Variants in HPSE2 observed in about 807,000 individuals in gnomAD.
The protein encoded by HPSE2 is inactive heparanase-2.
HPSE2 carries 38 observed loss-of-function variants against 60.5 expected under a neutral mutation model. That is an observed-to-expected ratio of 0.63 (90% CI 0.48 to 0.82). HPSE2 has a LOEUF of 0.82. Ranked by LOEUF, HPSE2 falls within the 40% of genes least tolerant of loss-of-function variation. HPSE2 has a pLI of 0.00. For synonymous variants in HPSE2, 295 were observed against 293.2 expected, an observed-to-expected ratio of 1.01 and a Z score of -0.06; for missense variants, 713 against 740.4, an observed-to-expected ratio of 0.96 and a Z score of 0.43.
At chr10:98,637,413 G>C (rs1946526067) in intron 7 of HPSE2, among the ~76,000 whole-genome samples, 1 of 152,188 alleles carries the variant, frequency 6.6e-6, no homozygotes, top group African/African-American at 2.4e-5. Flanking sequence ...ATTAAAAATA[G>C]CTATAATAAC....
chr10:99,152,548 T>C (rs1048014882), intron 2 of HPSE2, among the ~76,000 whole-genome samples: 1 of 152,278 alleles, frequency 6.6e-6, no homozygotes, highest in Non-Finnish European at 1.5e-5. Flanking sequence ...GTTTTAGTTA[T>C]ACCATATATA....
intron 9 of HPSE2, among the ~76,000 whole-genome samples, chr10:98,496,516 T>C (rs1941844587): frequency 6.6e-6 from 1 of 152,224 alleles, no homozygotes; most frequent in Admixed American, 6.5e-5. Flanking sequence ...GTATGCAAAC[T>C]GCTCCAGGAA....
At chr10:98,527,196 C>T (rs1942993366) in intron 9 of HPSE2, among the ~76,000 whole-genome samples, 1 of 152,158 alleles carries the variant, frequency 6.6e-6, no homozygotes, top group Non-Finnish European at 1.5e-5. Flanking sequence ...TCTCTAGGCT[C>T]TCTGCCTACA....
At chr10:98,844,379 G>T (rs1951987098) in intron 3 of HPSE2, among the ~76,000 whole-genome samples, 1 of 152,080 alleles carries the variant, frequency 6.6e-6, no homozygotes, top group South Asian at 2.1e-4. Context: ...GTTAGGTCAT[G>T]CTTAAGTTTA....
At chr10:98,481,565 A>G (rs1307032012) in intron 11 of HPSE2, among the ~76,000 whole-genome samples, 2 of 152,202 alleles carry the variant, frequency 1.3e-5, no homozygotes, top group African/African-American at 4.8e-5. Context: ...TAGCCAGAAA[A>G]AAGAGCCAGC....
chr10:98,788,414 C>A lies in HPSE2; in HGVS notation c.611-44358G>T, dbSNP rs537560625. ...TGTCTTTTTGTTTGTCTGTGCCCTG[C>A]CCCCAGAGATGGAGCCTACAGAGGC... On this transcript the variant is annotated intron_variant, in intron 3 of 11. Coordinates refer to ENST00000370552, the MANE Select transcript of HPSE2 (RefSeq NM_021828.5). Among the ~76,000 whole-genome samples the A allele has an allele frequency of 1.2e-3, 107 of 92,268 alleles. 4 individuals are homozygous for A. Among genetic ancestry groups the A allele is most frequent in the African/African-American group, 3.5e-3 (103 of 29,038 alleles). The allele number at this position is 92,268 out of a possible 152,430, so 60.5% of individuals were successfully genotyped here. A position where few individuals can be genotyped will look rare whatever the true frequency, so the allele number is the denominator to read the frequency against.
chr10:98,854,388 T>C (rs1217228824), intron 3 of HPSE2, among the ~76,000 whole-genome samples: 2 of 152,196 alleles, frequency 1.3e-5, no homozygotes, highest in Non-Finnish European at 2.9e-5. Flanking sequence ...TTTTAATGTA[T>C]CATTAGCTGT....
At chr10:98,824,323 TTGTGTTCACTG>T (rs1315907152) in intron 3 of HPSE2, among the ~76,000 whole-genome samples, 4 of 152,218 alleles carry the variant, frequency 2.6e-5, no homozygotes, top group African/African-American at 7.2e-5. Flanking sequence ...ATCTGAGCGG[TTGTGTTCACTG>T]TGTGTTCACT....
At chr10:98,813,961 C>A (rs1291672290) in intron 3 of HPSE2, among the ~76,000 whole-genome samples, 3 of 152,066 alleles carry the variant, frequency 2.0e-5, no homozygotes, top group African/African-American at 7.2e-5. Flanking sequence ...TATGTCAAAT[C>A]ATTTCAACCC....
At chr10:99,159,658 C>T (rs1846741569) in intron 2 of HPSE2, among the ~76,000 whole-genome samples, 1 of 151,886 alleles carries the variant, frequency 6.6e-6, no homozygotes, top group African/African-American at 2.4e-5. Flanking sequence ...AAAGAAAAGC[C>T]TCAAAATCAA....
chr10:98,814,321 C>G (rs1354927414), intron 3 of HPSE2, among the ~76,000 whole-genome samples: 2 of 152,016 alleles, frequency 1.3e-5, no homozygotes, highest in African/African-American at 4.8e-5. Flanking sequence ...TTTAGCTAAA[C>G]TCACTTATTA....
At chr10:98,709,341 C>A (rs1308749118) in intron 5 of HPSE2, among the ~76,000 whole-genome samples, 1 of 152,158 alleles carries the variant, frequency 6.6e-6, no homozygotes, top group Non-Finnish European at 1.5e-5. Flanking sequence ...CCATTCTAAT[C>A]CCTAGATTTA....
At chr10:98,942,163 G>A (rs1955027500) in intron 3 of HPSE2, among the ~76,000 whole-genome samples, 1 of 138,332 alleles carries the variant, frequency 7.2e-6, no homozygotes. Context: ...TCAGGACATA[G>A]GCATGGGCAA....
At chr10:98,655,579 T>C (rs1452785000) in intron 6 of HPSE2, among the ~76,000 whole-genome samples, 2 of 152,206 alleles carry the variant, frequency 1.3e-5, no homozygotes, top group African/African-American at 2.4e-5. Context: ...TCAGTTTGTT[T>C]AGCTTTTGCT....
At chr10:98,502,444 A>T (rs1942057275) in intron 9 of HPSE2, among the ~76,000 whole-genome samples, 1 of 152,158 alleles carries the variant, frequency 6.6e-6, no homozygotes, top group African/African-American at 2.4e-5. Context: ...AAAAATAAAG[A>T]GGGGAAACGT....
chr10:98,865,328 C>G (rs1035516770), intron 3 of HPSE2, among the ~76,000 whole-genome samples: 1 of 152,050 alleles, frequency 6.6e-6, no homozygotes, highest in Non-Finnish European at 1.5e-5. Flanking sequence ...GAGACTTATA[C>G]TTCTGGCCAA....
intron 5 of HPSE2, among the ~76,000 whole-genome samples, chr10:98,720,670 A>T (rs1325955117): frequency 3.9e-5 from 6 of 152,194 alleles, no homozygotes; most frequent in Admixed American, 2.6e-4. Flanking sequence ...ATTTGTATAA[A>T]AATGTTTATA....
intron 2 of HPSE2, among the ~76,000 whole-genome samples, chr10:99,207,594 C>T (rs551445813): frequency 6.6e-6 from 1 of 151,864 alleles, no homozygotes; most frequent in Non-Finnish European, 1.5e-5. Flanking sequence ...AATAAAGGAA[C>T]CTTAACAATA....
intron 9 of HPSE2, among the ~76,000 whole-genome samples, chr10:98,501,175 C>T (rs1942018215): frequency 1.3e-5 from 2 of 151,928 alleles, no homozygotes; most frequent in South Asian, 4.2e-4. Flanking sequence ...AAAGAAGGAA[C>T]CCTCCCTAAT....
Sources: allele counts gnomAD v4.1 joint callset (sites outside exome capture counted in the v4.1 genomes callset), GRCh38; gene constraint gnomAD v4.1.1; transcripts MANE v1.5; gene names NCBI Gene and HGNC (gene_info 2026-07-23, HGNC 2026-07-21).